The following PLXNA4 variants were observed in gnomAD, a reference collection of about 807,000 sequenced individuals.
PLXNA4 encodes the protein plexin A4.
A neutral mutation model predicts 191.8 loss-of-function variants in PLXNA4; 44 were observed. The observed-to-expected ratio is 0.23, with a 90% CI of 0.18 to 0.29. The LOEUF is 0.29. Ranked by LOEUF, PLXNA4 falls within the 10% of genes least tolerant of loss-of-function variation. PLXNA4 has a pLI of 1.00. For synonymous variants in PLXNA4, 1,082 were observed against 1,009.5 expected (o/e 1.07, Z -1.36); for missense variants, 1,800 against 2,488.8 (o/e 0.72, Z 5.89).
intron 1 of PLXNA4, among the ~76,000 whole-genome samples, chr7:132,556,267 C>T (rs1019485657): frequency 2.6e-5 from 4 of 152,328 alleles, no homozygotes; most frequent in East Asian, 1.9e-4. Context: ...GCATGCCCCT[C>T]GTGCCCTCTG....
chr7:132,454,118 T>C (rs749420295), intron 3 of PLXNA4, among the ~76,000 whole-genome samples: 4 of 152,216 alleles, frequency 2.6e-5, no homozygotes, highest in South Asian at 2.1e-4. Context: ...GCAGCAACAA[T>C]GCTGTCAATG....
In PLXNA4 at chr7:132,307,696, G is replaced by A. The variant is rs183447959; in HGVS notation, c.1372-9474C>T. On this transcript the variant is annotated intron_variant, in intron 3 of 31. Coordinates refer to ENST00000321063, the MANE Select transcript of PLXNA4 (RefSeq NM_020911.2). ...GGGTGGACTGTTTGATGCCACATCCGTGCCTTCCTGCCTTTAGTCTCAGGG... is the reference window on the plus strand; with the variant it reads ...GGGTGGACTGTTTGATGCCACATCCATGCCTTCCTGCCTTTAGTCTCAGGG... Among the ~76,000 whole-genome samples the A allele has an allele frequency of 9.5e-4, 145 of 152,268 alleles. 1 individual carries two copies. The highest frequency in any genetic ancestry group is 1.7e-3 in the Non-Finnish European group (118 of 68,022).
intron 1 of PLXNA4, among the ~76,000 whole-genome samples, chr7:132,555,434 T>C (rs541035563): frequency 1.2e-4 from 19 of 152,286 alleles, no homozygotes; most frequent in African/African-American, 4.3e-4. Context: ...AAAACTGAAG[T>C]GTTTTAATCC....
intron 1 of PLXNA4, among the ~76,000 whole-genome samples, chr7:132,542,678 T>G (rs1800134447): frequency 6.6e-6 from 1 of 152,242 alleles, no homozygotes; most frequent in Non-Finnish European, 1.5e-5. Context: ...TTACCTAAGT[T>G]TTCTGTATTT....
intron 3 of PLXNA4, among the ~76,000 whole-genome samples, chr7:132,461,792 C>G (rs1206485235): frequency 6.6e-6 from 1 of 152,228 alleles, no homozygotes; most frequent in East Asian, 1.9e-4. Flanking sequence ...GAAAAATACT[C>G]AGTCAAGTCT....
chr7:132,292,641 G>A (rs928454320), intron 4 of PLXNA4, among the ~76,000 whole-genome samples: 4 of 152,122 alleles, frequency 2.6e-5, no homozygotes, highest in Admixed American at 6.5e-5. Flanking sequence ...GAATATACCT[G>A]GCCCTTTCTC....
chr7:132,342,658 T>G (rs942048727), intron 3 of PLXNA4, among the ~76,000 whole-genome samples: 8 of 152,076 alleles, frequency 5.3e-5, no homozygotes, highest in Non-Finnish European at 1.0e-4. Flanking sequence ...AGAAGATATT[T>G]ACACGAGGCC....
Position 132,446,521 on chromosome 7 carries a change from T to C in PLXNA4, c.1371+42771A>G, listed in dbSNP as rs141309936. 6.6e-3 allele frequency among the ~76,000 whole-genome samples: 999 copies of C among 152,266 alleles called. 11 individuals are homozygous for C. The highest frequency in any genetic ancestry group is 0.023 in the African/African-American group (949 of 41,544). The stretch of plus-strand genomic sequence containing the variant: ...TCAAATGGCCCAGCTGCCCAGACAA[T>C]GCATGAAATCTGAACTCTGACTCTA... On this transcript the variant is annotated intron_variant, in intron 3 of 31. Coordinates refer to ENST00000321063, the MANE Select transcript of PLXNA4 (RefSeq NM_020911.2).
At chr7:132,217,023 A>G (rs568726368) in intron 9 of PLXNA4, among the ~76,000 whole-genome samples, 1 of 152,310 alleles carries the variant, frequency 6.6e-6, no homozygotes, top group South Asian at 2.1e-4. Context: ...CTGCAGTTCT[A>G]AGAATGCAGG....
At chr7:132,396,656 A>C (rs1395849576) in intron 3 of PLXNA4, among the ~76,000 whole-genome samples, 1 of 152,114 alleles carries the variant, frequency 6.6e-6, no homozygotes, top group Non-Finnish European at 1.5e-5. Flanking sequence ...ATGGCCGACT[A>C]ATTTTTTGTA....
rs1403633278 is a variant in PLXNA4 at position 132,508,442 on chromosome 7, A to T, written c.252T>A (p.His84Gln). The change falls in exon 2 of 32, where the codon CAT becomes CAA. Residue 84 changes from histidine (H) to glutamine (Q), a missense_variant. Transcript: ENST00000321063. This position sits in a 1 kb window ranked among gnomAD's most constrained non-coding sequence, Gnocchi z 4.4. ...GGTTGTCCTCGTCCGGCCCTGTCTC[A>T]TGCGTCACCAAGACCTTCAGGTCGC... ...LSSDLKVLVT[H>Q]ETGPDEDNPK... 1 of 1,614,148 alleles carries T rather than the reference A, an allele frequency of 6.2e-7. No individual in the cohort carries two copies. Among genetic ancestry groups the T allele is most frequent in the South Asian group, 1.1e-5 (1 of 91,072 alleles).
At chr7:132,579,886 T>A (rs990900831), upstream of PLXNA4, among the ~76,000 whole-genome samples, 1 of 152,108 alleles carries the variant, frequency 6.6e-6, no homozygotes, top group Non-Finnish European at 1.5e-5. Context: ...AGGATTTTTT[T>A]TTTTCAGTGA....
At chr7:132,273,124 G>A (rs1046051886) in intron 4 of PLXNA4, among the ~76,000 whole-genome samples, 1 of 152,066 alleles carries the variant, frequency 6.6e-6, no homozygotes. Flanking sequence ...ATCATAAAAC[G>A]GTCATGAAGA....
intron 3 of PLXNA4, among the ~76,000 whole-genome samples, chr7:132,399,035 T>A (rs1309387897): frequency 1.3e-5 from 2 of 151,952 alleles, no homozygotes; most frequent in African/African-American, 4.8e-5. Flanking sequence ...TGGATAAGGG[T>A]TTTAGAATCC....
At chr7:132,330,567 C>T (rs994352243) in intron 3 of PLXNA4, among the ~76,000 whole-genome samples, 10 of 152,224 alleles carry the variant, frequency 6.6e-5, no homozygotes, top group Non-Finnish European at 1.0e-4. Flanking sequence ...AAGAAGTTGG[C>T]TAAGCCAGGG....
chr7:132,251,119 G>A (rs572278950), intron 4 of PLXNA4, among the ~76,000 whole-genome samples: 4 of 145,666 alleles, frequency 2.7e-5, no homozygotes, highest in East Asian at 4.0e-4. Flanking sequence ...TTACTGCTAC[G>A]TAAACACTGC....
At chr7:132,465,476 C>T (rs1419175230) in intron 3 of PLXNA4, among the ~76,000 whole-genome samples, 3 of 152,186 alleles carry the variant, frequency 2.0e-5, no homozygotes, top group East Asian at 3.9e-4. Context: ...GAAAGGGGAC[C>T]TTACCTTGGT....
chr7:132,628,554 CCTCT>C (rs1011345619), intron 2 of PLXNA4, among the ~76,000 whole-genome samples: 5 of 146,160 alleles, frequency 3.4e-5, no homozygotes, highest in South Asian at 2.3e-4. Flanking sequence ...CTAAAAATGT[CCTCT>C]CTCTCTCTCC....
chr7:132,182,992 A>T (rs1478790716), intron 16 of PLXNA4, among the ~76,000 whole-genome samples: 3 of 152,218 alleles, frequency 2.0e-5, no homozygotes, highest in Admixed American at 2.0e-4. Context: ...CAGGGGGGCT[A>T]CTCAAAGAAA....
Sources: gnomAD v4.1 joint callset for allele counts (sites outside exome capture counted in the v4.1 genomes callset) on GRCh38, gnomAD v4.1.1 for gene constraint, Gnocchi (gnomAD v3.1) non-coding constraint, MANE v1.5 for transcripts, NCBI Gene and HGNC (gene_info 2026-07-23, HGNC 2026-07-21) for gene names.